Variants in FAH observed in about 807,000 individuals in gnomAD.
FAH encodes the protein fumarylacetoacetase.
FAH carries 47 observed loss-of-function variants against 55.8 expected under a neutral mutation model. The ratio of observed to expected loss-of-function variants is 0.84; its 90% CI spans 0.67 to 1.07. FAH has a LOEUF of 1.07. Among genes scored for constraint, FAH ranks in the 50% least tolerant of loss-of-function variants. The pLI is 0.00. For missense variants in FAH, 495 were observed against 545.9 expected (o/e 0.91, Z 0.93); for synonymous variants, 199 against 207.7 (o/e 0.96, Z 0.36).
intron 11 of FAH, among the ~76,000 whole-genome samples, chr15:80,178,043 T>TA (rs939500686): frequency 8.6e-5 from 13 of 151,698 alleles, no homozygotes; most frequent in Admixed American, 3.3e-4. Context: ...CTGCAAAAAG[T>TA]AAAAAAATTA....
At chr15:80,157,615 A>T (rs536644696) in intron 1 of FAH, 2 of 274,688 alleles carry the variant, frequency 7.3e-6, no homozygotes, top group East Asian at 1.7e-4. Context: ...GGCCCTCAGC[A>T]CTGTGTGTTG....
In FAH at chr15:80,168,961, C is replaced by T. The variant is rs146460314; in HGVS notation, c.606+645C>T. On this transcript the variant is annotated intron_variant, in intron 7 of 13. Transcript: ENST00000561421. Reference sequence around the variant, plus strand: ...TAAGCAGAAACACACATAAAACAGGCTATATAGTTAGGTTTTGATTAGTTG... The same window carrying T: ...TAAGCAGAAACACACATAAAACAGGTTATATAGTTAGGTTTTGATTAGTTG... Among the ~76,000 whole-genome samples, 206 of 152,254 alleles carry T rather than the reference C, an allele frequency of 1.4e-3. 1 individual carries two copies. The highest frequency in any genetic ancestry group is 4.7e-3 in the African/African-American group (196 of 41,556).
intron 1 of FAH, chr15:80,156,749 G>A (rs977603649): frequency 6.6e-6 from 1 of 152,226 alleles, no homozygotes; most frequent in South Asian, 2.1e-4. Context: ...CTCTAGTTTT[G>A]TGCTGAAGAA....
chr15:80,154,225 G>T (rs2041079186), intron 1 of FAH, among the ~76,000 whole-genome samples: 1 of 152,224 alleles, frequency 6.6e-6, no homozygotes, highest in Admixed American at 6.5e-5. Context: ...TGCAGACAGA[G>T]CCCTCCCTCT....
Position 80,181,102 on chromosome 15 carries a change from C to A in FAH, c.1123C>A (p.Leu375Met). 6.2e-7 allele frequency: 1 copy of A among 1,613,982 alleles called. No homozygotes were observed. Among genetic ancestry groups the A allele is most frequent in the Non-Finnish European group, 8.5e-7 (1 of 1,179,900 alleles). ...GTGGAAGGGAACGAAGCCCATAGAC[C>A]TGGGGAATGGTCAGACCAGGAAGTT... ...LSWKGTKPID[L>M]GNGQTRKFLL... Residue 375 changes from leucine (L) to methionine (M), a missense_variant, in exon 13 of 14, where the codon CTG becomes ATG. Physicochemically the swap from Leu to Met is conservative, Grantham distance 15. Coordinates refer to ENST00000561421, the MANE Select transcript of FAH (RefSeq NM_000137.4).
chr15:80,160,479 C>G lies in FAH; in HGVS notation c.364+20C>G, dbSNP rs1358162248. ...CCATAGGTGAGTGCAGTCTCTTCAC[C>G]AAGATAAGAACGGAGCAGCTTCGTG... On this transcript the variant is annotated intron_variant, in intron 4 of 13. Coordinates refer to ENST00000561421, the MANE Select transcript of FAH (RefSeq NM_000137.4). 1 of 1,613,230 alleles carries G rather than the reference C, an allele frequency of 6.2e-7. No homozygotes were observed. Among genetic ancestry groups the G allele is most frequent in the Non-Finnish European group, 8.5e-7 (1 of 1,179,158 alleles).
chr15:80,155,319 T>G (rs1278634888), intron 1 of FAH, among the ~76,000 whole-genome samples: 1 of 152,220 alleles, frequency 6.6e-6, no homozygotes, highest in Non-Finnish European at 1.5e-5. Context: ...GTGGCATGAA[T>G]AGCGTCTACC....
At chr15:80,171,749 A>T (rs1391315195) in intron 7 of FAH, among the ~76,000 whole-genome samples, 2 of 152,234 alleles carry the variant, frequency 1.3e-5, no homozygotes, top group Non-Finnish European at 2.9e-5. Flanking sequence ...GACGTGAGCC[A>T]CAGTGCCTGG....
At chr15:80,186,098 T>C (rs1306279158) in intron 13 of FAH, 32 bp from the exon 14 acceptor site, 1 of 1,601,794 alleles carries the variant, frequency 6.2e-7, no homozygotes. Flanking sequence ...CCCAGCAACT[T>C]TGTGACTGAT....
At chr15:80,156,120 G>C (rs906850898) in intron 1 of FAH, 1 of 286,066 alleles carries the variant, frequency 3.5e-6, no homozygotes, top group Non-Finnish European at 6.8e-6. Context: ...TCCCTTTTGC[G>C]GTCTGCTAAG....
At chr15:80,186,081 C>T (rs200441800) in intron 13 of FAH, 49 bp from the exon 14 acceptor site, 235 of 1,531,816 alleles carry the variant, frequency 1.5e-4, no homozygotes, top group Middle Eastern at 8.5e-4. Context: ...GTGTTGGTTC[C>T]GGTGAGCCCA....
At position 80,186,194 on chromosome 15, in the gene FAH, T is replaced by G. The variant is rs2142112683; in HGVS notation, c.1245T>G (p.Ala415=). The stretch of plus-strand genomic sequence containing the variant: ...AGTGTGCTGGAAAAGTGCTGCCTGC[T>G]CTCCTGCCATCATGAGATTTTCTCT... ...FGQCAGKVLP[A]LLPS Residue 415 remains alanine, a synonymous_variant, in exon 14 of 14, where the codon GCT becomes GCG. Transcript: ENST00000561421. 2 of 1,613,918 alleles carry G rather than the reference T, an allele frequency of 1.2e-6. No individual in the cohort carries two copies. The highest frequency in any genetic ancestry group is 1.7e-6 in the Non-Finnish European group (2 of 1,179,792).
At chr15:80,156,019 G>C (rs2041095989) in intron 1 of FAH, 1 of 430,406 alleles carries the variant, frequency 2.3e-6, no homozygotes, top group Admixed American at 2.5e-5. Flanking sequence ...TAGGCCTCCA[G>C]ATGACTGCGG....
intron 10 of FAH, among the ~76,000 whole-genome samples, chr15:80,175,373 T>TC (rs2142103631): frequency 6.6e-6 from 1 of 151,920 alleles, no homozygotes; most frequent in Non-Finnish European, 1.5e-5. Context: ...TTGAATCCCC[T>TC]CCCCAGCCTC....
At chr15:80,172,381 G>C in intron 8 of FAH, 133 bp downstream of exon 8, 1 of 683,040 alleles carries the variant, frequency 1.5e-6, no homozygotes, top group Non-Finnish European at 2.6e-6. Context: ...TGGGGGTCTG[G>C]GTATCAAACA....
intron 9 of FAH, chr15:80,173,656 C>CGGCGA: frequency 3.9e-6 from 1 of 254,496 alleles, no homozygotes. Context: ...TGCAATCTGC[C>CGGCGA]CCACTCCATC....
In FAH at chr15:80,181,150, A is replaced by C; in HGVS notation, c.1171A>C (p.Ile391Leu). 3 of 1,611,062 alleles carry C rather than the reference A, an allele frequency of 1.9e-6. No homozygotes were observed. The highest frequency in any genetic ancestry group is 2.5e-6 in the Non-Finnish European group (3 of 1,177,398). ...GTTTCTGCTGGACGGGGATGAAGTC[A>C]TCATAACAGGTGAGGGCTGCCAAAC... is the stretch of plus-strand genomic sequence containing the variant. ...RKFLLDGDEV[I>L]ITGYCQGDGY... The change falls in exon 13 of 14, where the codon ATC becomes CTC. Residue 391 changes from isoleucine (I) to leucine (L), a missense_variant. Ile to Leu is a conservative substitution (Grantham distance 5). Coordinates refer to ENST00000561421, the MANE Select transcript of FAH (RefSeq NM_000137.4).
In FAH at chr15:80,158,170, G is replaced by T. The variant is rs80338894; in HGVS notation, c.192G>T (p.Gln64His). The T allele has an allele frequency of 4.0e-5, 65 of 1,606,282 alleles. No homozygotes were observed. The South Asian group carries it at 6.7e-4, about 17-fold the overall frequency. Residue 64 changes from glutamine to histidine, a missense_variant and splice_region_variant, in exon 2 of 14, where the codon CAG becomes CAT. Gln to His is a conservative substitution (Grantham distance 24). Coordinates refer to ENST00000561421, the MANE Select transcript of FAH (RefSeq NM_000137.4). The part of the protein sequence containing the change: ...VLSKHQDVFN[Q>H]PTLNSFMGLG... ...CCAAACACCAGGATGTCTTCAATCA[G>T]GTAGGACATTGTGAAACGACTTGTC... is the stretch of plus-strand genomic sequence containing the variant.
upstream of FAH, chr15:80,152,969 G>T: frequency 8.2e-7 from 1 of 1,213,260 alleles, no homozygotes; most frequent in Non-Finnish European, 1.2e-6. Flanking sequence ...CAGGGGGGCG[G>T]GGCCGGGCCT....
Sources: gnomAD v4.1 joint callset for allele counts (sites outside exome capture counted in the v4.1 genomes callset) on GRCh38, gnomAD v4.1.1 for gene constraint, MANE v1.5 for transcripts, NCBI Gene and HGNC (gene_info 2026-07-23, HGNC 2026-07-21) for gene names.